The following DDX10 variants were observed in gnomAD, a reference collection of about 807,000 sequenced individuals.
The protein encoded by DDX10 is DEAD-box helicase 10.
In DDX10, 74 loss-of-function variants were observed where a neutral mutation model predicts 104.3. The observed-to-expected ratio is 0.71, with a 90% CI of 0.59 to 0.86. The LOEUF (loss-of-function observed/expected upper bound fraction) is 0.86, where lower values mean the gene tolerates loss of function less well. DDX10 is among the 40% of genes least tolerant of loss of function. The pLI is 0.00. For missense variants in DDX10, 952 were observed against 1,040.0 expected (o/e 0.92, Z 1.16); for synonymous variants, 351 against 353.4 (o/e 0.99, Z 0.08).
At chr11:108,762,497 A>G (rs1200311653) in intron 13 of DDX10, among the ~76,000 whole-genome samples, 1 of 152,194 alleles carries the variant, frequency 6.6e-6, no homozygotes, top group Admixed American at 6.6e-5. Flanking sequence ...AAAACTAGGC[A>G]ATAGAGACCA....
chr11:108,935,920 C>T (rs996427575), intron 17 of DDX10, among the ~76,000 whole-genome samples: 6 of 152,112 alleles, frequency 3.9e-5, no homozygotes, highest in African/African-American at 4.8e-5. Context: ...GTTTCATTAA[C>T]GAAGATGTAA....
In DDX10 at chr11:108,697,242, T is replaced by G. The variant is rs558431768; in HGVS notation, c.1223+3642T>G. Among the ~76,000 whole-genome samples, 9 of 85,274 alleles carry G rather than the reference T, an allele frequency of 1.1e-4. No homozygotes were observed. The East Asian group carries it at 2.8e-3, about 26-fold the overall frequency. The allele number at this position is 85,274 out of a possible 152,430, so 55.9% of individuals were successfully genotyped here. ...TATAATGCTTTTTTTTTTTTTTTTTTCTGGCAGTTTAAAACTTGCCAATAA... is the reference window on the plus strand; with the variant it reads ...TATAATGCTTTTTTTTTTTTTTTTTGCTGGCAGTTTAAAACTTGCCAATAA... On this transcript the variant is annotated intron_variant, in intron 9 of 17. Transcript: ENST00000322536.
chr11:108,872,262 A>G (rs1427547953), intron 16 of DDX10, among the ~76,000 whole-genome samples: 2 of 152,340 alleles, frequency 1.3e-5, no homozygotes, highest in African/African-American at 2.4e-5. Context: ...AATTTTACAT[A>G]ATTAATTTTC....
At chr11:108,712,226 T>C (rs1427251721) in intron 10 of DDX10, among the ~76,000 whole-genome samples, 5 of 152,216 alleles carry the variant, frequency 3.3e-5, no homozygotes, top group Admixed American at 2.0e-4. Flanking sequence ...CAACATACAG[T>C]TGGGTCTTGT....
chr11:108,895,047 G>A (rs972219727), intron 16 of DDX10, among the ~76,000 whole-genome samples: 1 of 151,848 alleles, frequency 6.6e-6, no homozygotes, highest in Non-Finnish European at 1.5e-5. Flanking sequence ...GGAATTTTAG[G>A]CAACTTGTAA....
intron 16 of DDX10, among the ~76,000 whole-genome samples, chr11:108,875,220 AT>A (rs1236276646): frequency 2.2e-4 from 34 of 152,182 alleles, no homozygotes; most frequent in Non-Finnish European, 2.9e-5. Flanking sequence ...CGTTTAGTCA[AT>A]CTAAGCTGGT....
intron 13 of DDX10, among the ~76,000 whole-genome samples, chr11:108,745,127 CCCTTCT>C (rs1390634278): frequency 1.8e-3 from 220 of 124,316 alleles, no homozygotes; most frequent in African/African-American, 6.4e-3. Context: ...CTTCCTCTTC[CCCTTCT>C]CCCTTCTCCT....
At chr11:108,758,991 C>T (rs552432606) in intron 13 of DDX10, among the ~76,000 whole-genome samples, 42 of 151,940 alleles carry the variant, frequency 2.8e-4, no homozygotes, top group Admixed American at 2.4e-3. Flanking sequence ...TTATGGTGGC[C>T]GAAAGGAAAA....
intron 15 of DDX10, among the ~76,000 whole-genome samples, chr11:108,844,367 C>A: frequency 6.6e-6 from 1 of 152,144 alleles, no homozygotes; most frequent in Middle Eastern, 3.2e-3. Flanking sequence ...TTGGTAAACA[C>A]ACATATGTAT....
At position 108,680,453 on chromosome 11, in the gene DDX10, A is replaced by C. The variant is rs141761924; in HGVS notation, c.848+893A>C. On this transcript the variant is annotated intron_variant, in intron 6 of 17. Transcript: ENST00000322536. Reference sequence around the variant, plus strand: ...TGGTTTCAAATTCCTGAGATCAAGCAATCCTCCCACTTTGGCCTCCCAAAG... The same window carrying C: ...TGGTTTCAAATTCCTGAGATCAAGCCATCCTCCCACTTTGGCCTCCCAAAG... 8.5e-5 allele frequency among the ~76,000 whole-genome samples: 13 copies of C among 152,316 alleles called. 1 individual carries two copies. The highest frequency in any genetic ancestry group is 3.1e-4 in the African/African-American group (13 of 41,578).
At chr11:108,693,396 A>T (rs1359618044) in intron 8 of DDX10, 120 bp from the exon 9 acceptor site, 1 of 777,356 alleles carries the variant, frequency 1.3e-6, no homozygotes, top group Non-Finnish European at 2.3e-6. Context: ...TAGAGTTCAT[A>T]GATGATATCC....
intron 16 of DDX10, among the ~76,000 whole-genome samples, chr11:108,905,059 C>CTGCCCGTGGACTCTTTGAAAGT (rs1863571748): frequency 6.6e-6 from 1 of 152,112 alleles, no homozygotes; most frequent in African/African-American, 2.4e-5. Context: ...GAGTTGCGGG[C>CTGCCCGTGGACTCTTTGAAAGT]TGCCCGTGGA....
At chr11:108,797,672 C>G (rs1026901021) in intron 13 of DDX10, among the ~76,000 whole-genome samples, 17 of 152,226 alleles carry the variant, frequency 1.1e-4, no homozygotes, top group African/African-American at 4.1e-4. Context: ...ATGTCTTTAT[C>G]ACAGCAGCTA....
chr11:108,717,886 G>T lies in DDX10; in HGVS notation c.1411-1911G>T, dbSNP rs188084099. On this transcript the variant is annotated intron_variant, in intron 11 of 17. Transcript: ENST00000322536. The stretch of plus-strand genomic sequence containing the variant: ...AAAAAATGTCTTGGATGGCTGGTTG[G>T]GGTGGCTCATGCCTATAATCCCAGC... Among the ~76,000 whole-genome samples, 172 of 152,146 alleles carry T rather than the reference G, an allele frequency of 1.1e-3. 2 individuals carry two copies. The highest frequency in any genetic ancestry group is 4.0e-3 in the African/African-American group (167 of 41,528).
At chr11:108,872,432 AT>A (rs949920194) in intron 16 of DDX10, among the ~76,000 whole-genome samples, 1 of 152,232 alleles carries the variant, frequency 6.6e-6, no homozygotes, top group Non-Finnish European at 1.5e-5. Flanking sequence ...TTCCCTTGAA[AT>A]TAGCACTTAT....
At position 108,838,438 on chromosome 11, in the gene DDX10, TCA is replaced by T. The variant is rs1862586508; in HGVS notation, c.1966-3_1966-2del. ...AATCATCTGTGTTTTTTGTATGTTC[TCA>T]CACAGAAGAAAGAACCTTCTAAATC... On this transcript the variant is annotated splice_polypyrimidine_tract_variant and splice_region_variant and intron_variant, in intron 13 of 17. Transcript: ENST00000322536. 1 of 1,606,718 alleles carries T rather than the reference TCA, an allele frequency of 6.2e-7. No individual in the cohort carries two copies. Among genetic ancestry groups the T allele is most frequent in the Non-Finnish European group, 8.5e-7 (1 of 1,178,092 alleles).
At chr11:108,844,775 A>C (rs1161774520) in intron 15 of DDX10, among the ~76,000 whole-genome samples, 2 of 152,194 alleles carry the variant, frequency 1.3e-5, no homozygotes, top group Non-Finnish European at 2.9e-5. Flanking sequence ...TGTCAGTGAG[A>C]TCCTCTGGCT....
intron 16 of DDX10, among the ~76,000 whole-genome samples, chr11:108,913,432 A>G (rs530162168): frequency 4.6e-5 from 7 of 152,272 alleles, no homozygotes; most frequent in African/African-American, 1.7e-4. Context: ...GCTTAGTGAA[A>G]CAATAGGGCA....
At chr11:108,802,779 G>C (rs1167169795) in intron 13 of DDX10, among the ~76,000 whole-genome samples, 2 of 152,048 alleles carry the variant, frequency 1.3e-5, no homozygotes, top group African/African-American at 2.4e-5. Context: ...GTGAATTTTT[G>C]AATGAGAATG....
Sources: gnomAD v4.1 joint callset for allele counts (sites outside exome capture counted in the v4.1 genomes callset) on GRCh38, gnomAD v4.1.1 for gene constraint, MANE v1.5 for transcripts, NCBI Gene and HGNC (gene_info 2026-07-23, HGNC 2026-07-21) for gene names.